The following MAN1C1 variants were observed in gnomAD, a reference collection of about 807,000 sequenced individuals.
MAN1C1 encodes mannosyl-oligosaccharide 1,2-alpha-mannosidase IC.
In MAN1C1, 49 loss-of-function variants were observed where a neutral mutation model predicts 71.5. The ratio of observed to expected loss-of-function variants is 0.69; its 90% confidence interval spans 0.54 to 0.87. The LOEUF (loss-of-function observed/expected upper bound fraction) is 0.87, where lower values mean the gene tolerates loss of function less well. MAN1C1 is among the 40% of genes least tolerant of loss of function. The pLI, the probability that MAN1C1 is intolerant of heterozygous loss-of-function variation, is 0.00. For missense variants in MAN1C1, 743 were observed against 835.0 expected (o/e 0.89, Z 1.36); for synonymous variants, 352 against 343.7 (o/e 1.02, Z -0.27).
chr1:25,756,425 TGTGGGG>T (rs1422060824), intron 5 of MAN1C1, among the ~76,000 whole-genome samples: 4 of 151,722 alleles, frequency 2.6e-5, no homozygotes, highest in Non-Finnish European at 5.9e-5. Flanking sequence ...AGGGTGAGCA[TGTGGGG>T]GTGGGAGAGA....
intron 5 of MAN1C1, among the ~76,000 whole-genome samples, chr1:25,754,084 C>T (rs1347127956): frequency 6.6e-6 from 1 of 152,114 alleles, no homozygotes; most frequent in Non-Finnish European, 1.5e-5. Flanking sequence ...CAAACAGGAG[C>T]CTAGCTCTCA....
intron 1 of MAN1C1, among the ~76,000 whole-genome samples, chr1:25,622,412 T>C (rs1263189891): frequency 1.3e-5 from 2 of 152,246 alleles, no homozygotes; most frequent in Non-Finnish European, 2.9e-5. Flanking sequence ...GTCTGACATT[T>C]AGTTGGAACT....
intron 1 of MAN1C1, among the ~76,000 whole-genome samples, chr1:25,621,304 A>G (rs1330637401): frequency 6.6e-6 from 1 of 152,214 alleles, no homozygotes; most frequent in Admixed American, 6.5e-5. Flanking sequence ...GCACCTATCC[A>G]AGAATAGATA....
chr1:25,778,756 C>T lies in MAN1C1; in HGVS notation c.1477+432C>T, dbSNP rs1282236558. On this transcript the variant is annotated intron_variant, in intron 9 of 11. Transcript: ENST00000374332. The surrounding 1 kb of genome is among the most constrained non-coding windows in gnomAD (Gnocchi z 5.5). ...ATGTGCCTCTGCCTTTCCCCCGGCA[C>T]CCTCCTTAGAGGGGGTTTCACCGCC... 6.6e-6 allele frequency among the ~76,000 whole-genome samples: 1 copy of T among 152,154 alleles called. No individual in the cohort carries two copies. Among genetic ancestry groups the T allele is most frequent in the Admixed American group, 6.5e-5 (1 of 15,292 alleles).
In MAN1C1 at chr1:25,779,284, G is replaced by A. The variant is rs776687126; in HGVS notation, c.1477+960G>A. The stretch of plus-strand genomic sequence containing the variant: ...GCAGCCTCTGTTTTCTTATCTGTTC[G>A]ATGGGAATCATGACACAGGTCTCAG... On this transcript the variant is annotated intron_variant, in intron 9 of 11. Transcript: ENST00000374332. The surrounding 1 kb of genome is among the most constrained non-coding windows in gnomAD (Gnocchi z 4.6). Among the ~76,000 whole-genome samples the A allele has an allele frequency of 1.8e-4, 28 of 151,730 alleles. No individual in the cohort carries two copies. The highest frequency in any genetic ancestry group is 6.2e-4 in the South Asian group (3 of 4,802).
rs114565081 is a variant in MAN1C1, at chr1:25,735,651, A to G, written c.638-11017A>G. Among the ~76,000 whole-genome samples the G allele has an allele frequency of 6.6e-6, 1 of 152,196 alleles. No individual in the cohort carries two copies. The highest frequency in any genetic ancestry group is 6.5e-5 in the Admixed American group (1 of 15,278). On this transcript the variant is annotated intron_variant, in intron 2 of 11. Coordinates refer to ENST00000374332, the MANE Select transcript of MAN1C1 (RefSeq NM_020379.4). The surrounding 1 kb of genome is among the most constrained non-coding windows in gnomAD (Gnocchi z 4.6). ...TATTCCACAGTGAGAGGCAGACCAC[A>G]GTGTTGTTTGTGACTGCAGATAGGC...
intron 7 of MAN1C1, among the ~76,000 whole-genome samples, chr1:25,766,636 T>A (rs2047430689): frequency 6.6e-6 from 1 of 152,068 alleles, no homozygotes; most frequent in African/African-American, 2.4e-5. Context: ...AGACCCGTCC[T>A]ATTGCTAAGA....
rs1326886177 is a variant in MAN1C1 at position 25,617,982 on chromosome 1, G to T, written c.185G>T (p.Gly62Val). The T allele has an allele frequency of 6.2e-7, 1 of 1,606,928 alleles. No homozygotes were observed. Among genetic ancestry groups the T allele is most frequent in the Admixed American group, 1.7e-5 (1 of 59,666 alleles). Residue 62 changes from glycine (G) to valine (V), a missense_variant, in exon 1 of 12, where the codon GGT becomes GTT. Coordinates refer to ENST00000374332, the MANE Select transcript of MAN1C1 (RefSeq NM_020379.4). The surrounding 1 kb of genome is among the most constrained non-coding windows in gnomAD (Gnocchi z 5.1). ...LFLAPRTQQP[G>V]LEVVAEIAGH... The stretch of plus-strand genomic sequence containing the variant: ...CTGGCCCCCCGGACCCAGCAGCCTG[G>T]TCTGGAAGTGGTGGCTGAAATCGCC...
chr1:25,675,210 G>A (rs2046047400), intron 1 of MAN1C1, among the ~76,000 whole-genome samples: 1 of 152,114 alleles, frequency 6.6e-6, no homozygotes, highest in South Asian at 2.1e-4. Flanking sequence ...TACCCAATAT[G>A]TAGACTTTTA....
Position 25,753,232 on chromosome 1 carries a change from A to G in MAN1C1, c.835-252A>G, listed in dbSNP as rs939271577. Among the ~76,000 whole-genome samples the G allele has an allele frequency of 6.6e-6, 1 of 151,944 alleles. No individual in the cohort carries two copies. Among genetic ancestry groups the G allele is most frequent in the African/African-American group, 2.4e-5 (1 of 41,340 alleles). ...GTAGATGCTTTGCCACAATTATCTAATTTTCATTTCTCCCAACAACTCTCT... is the reference window on the plus strand; with the variant it reads ...GTAGATGCTTTGCCACAATTATCTAGTTTTCATTTCTCCCAACAACTCTCT... On this transcript the variant is annotated intron_variant, in intron 4 of 11. Coordinates refer to ENST00000374332, the MANE Select transcript of MAN1C1 (RefSeq NM_020379.4). The surrounding 1 kb of genome is among the most constrained non-coding windows in gnomAD (Gnocchi z 4.9).
At chr1:25,767,557 TCCCCTC>T (rs2047452906) in intron 7 of MAN1C1, among the ~76,000 whole-genome samples, 2 of 77,256 alleles carry the variant, frequency 2.6e-5, no homozygotes, top group Non-Finnish European at 2.5e-5. Context: ...TCACACACAC[TCCCCTC>T]ACACACACCC....
chr1:25,687,606 C>A (rs983989810), intron 2 of MAN1C1, among the ~76,000 whole-genome samples: 3 of 152,182 alleles, frequency 2.0e-5, no homozygotes, highest in African/African-American at 2.4e-5. Context: ...CCCCCCATCA[C>A]CCCCATCGTG....
rs1390447650 is a variant in MAN1C1 at position 25,778,236 on chromosome 1, C to T, written c.1389C>T (p.Ala463=). 1.1e-5 allele frequency: 17 copies of T among 1,614,068 alleles called. No individual in the cohort carries two copies. Among genetic ancestry groups the T allele is most frequent in the South Asian group, 5.5e-5 (5 of 91,066 alleles). ...CFSGGMIALG[A]EDAKEEKRAH... ...CCGGGGGCATGATCGCCCTTGGCGC[C>T]GAGGATGCCAAGGAAGAAAAGAGGG... is the stretch of plus-strand genomic sequence containing the variant. Residue 463 remains alanine, a synonymous_variant, in exon 9 of 12, where the codon GCC becomes GCT. Coordinates refer to ENST00000374332, the MANE Select transcript of MAN1C1 (RefSeq NM_020379.4). The surrounding 1 kb of genome is among the most constrained non-coding windows in gnomAD (Gnocchi z 5.5).
At chr1:25,704,810 C>T (rs1181786153) in intron 2 of MAN1C1, among the ~76,000 whole-genome samples, 2 of 152,258 alleles carry the variant, frequency 1.3e-5, no homozygotes, top group Non-Finnish European at 2.9e-5. Context: ...TTAGCATTAT[C>T]TGAGAGGAAG....
chr1:25,716,420 C>T (rs548895963), intron 2 of MAN1C1, among the ~76,000 whole-genome samples: 1 of 152,268 alleles, frequency 6.6e-6, no homozygotes, highest in South Asian at 2.1e-4. Flanking sequence ...GCAACCTCCA[C>T]CTCCCAGGCT....
rs1235718806 is a variant in MAN1C1 at position 25,634,788 on chromosome 1, C to G, written c.540+16451C>G. Among the ~76,000 whole-genome samples, 1 of 151,816 alleles carries G rather than the reference C, an allele frequency of 6.6e-6. No individual in the cohort carries two copies. The highest frequency in any genetic ancestry group is 1.5e-5 in the Non-Finnish European group (1 of 67,976). On this transcript the variant is annotated intron_variant, in intron 1 of 11. Transcript: ENST00000374332. This position sits in a 1 kb window ranked among gnomAD's most constrained non-coding sequence, Gnocchi z 4.6. ...TAAGTCGAGATTGTGCCACTGCACTCCAGCCTGGGCAACAGAGCGAGACTC... is the reference window on the plus strand; with the variant it reads ...TAAGTCGAGATTGTGCCACTGCACTGCAGCCTGGGCAACAGAGCGAGACTC...
Position 25,618,039 on chromosome 1 carries a change from C to T in MAN1C1, c.242C>T (p.Pro81Leu), listed in dbSNP as rs548120854. 30 of 1,586,060 alleles carry T rather than the reference C, an allele frequency of 1.9e-5. No homozygotes were observed. In the African/African-American group the frequency reaches 4.0e-4, roughly 21 times the overall value. The change falls in exon 1 of 12, where the codon CCT becomes CTT. Residue 81 changes from proline (P) to leucine (L), a missense_variant. Coordinates refer to ENST00000374332, the MANE Select transcript of MAN1C1 (RefSeq NM_020379.4). ...GCCCCGGCCCGCGAGCAGGAGCCGC[C>T]TCCCAACCCGGCCCCCGCCGCGCCG... ...GHAPAREQEP[P>L]PNPAPAAPAP...
At chr1:25,752,835 G>A (rs1218296371) in intron 4 of MAN1C1, among the ~76,000 whole-genome samples, 1 of 152,196 alleles carries the variant, frequency 6.6e-6, no homozygotes, top group Non-Finnish European at 1.5e-5. Flanking sequence ...TGTGAAATGG[G>A]AACAGTGGGC....
At chr1:25,758,955 C>T in intron 6 of MAN1C1, 1 of 488,804 alleles carries the variant, frequency 2.0e-6, no homozygotes. Context: ...CAAGATTCTG[C>T]CGGGGAAAAG....
Sources: allele counts gnomAD v4.1 joint callset (sites outside exome capture counted in the v4.1 genomes callset), GRCh38; gene constraint gnomAD v4.1.1; non-coding constraint Gnocchi (gnomAD v3.1); transcripts MANE v1.5; gene names NCBI Gene and HGNC (gene_info 2026-07-23, HGNC 2026-07-21).